The following CTNNBL1 variants were observed in gnomAD, a reference collection of about 807,000 sequenced individuals.
The protein encoded by CTNNBL1 is catenin beta like 1, also known as beta-catenin-like protein 1.
A neutral mutation model predicts 72.7 loss-of-function variants in CTNNBL1; 31 were observed. That is an observed-to-expected ratio of 0.43 (90% CI 0.32 to 0.58). The LOEUF is 0.58. CTNNBL1 is among the 20% of genes least tolerant of loss of function. CTNNBL1 has a pLI of 0.08. For missense variants in CTNNBL1, 534 were observed against 725.1 expected (o/e 0.74, Z 3.03); for synonymous variants, 240 against 267.3 (o/e 0.90, Z 1.00).
In CTNNBL1 at chr20:37,798,870, A is replaced by C. The variant is rs1012424601; in HGVS notation, c.1032-3997A>C. 7.2e-5 allele frequency among the ~76,000 whole-genome samples: 11 copies of C among 152,194 alleles called. 1 individual carries two copies. The highest frequency in any genetic ancestry group is 2.6e-4 in the Admixed American group (4 of 15,282). On this transcript the variant is annotated intron_variant, in intron 10 of 15. Transcript: ENST00000361383. ...AGGCCTTTTCCTGAGTGACTAAACA[A>C]TACAGATATTATATCTCAATGTCCT...
chr20:37,743,995 A>G (rs1484065392), intron 3 of CTNNBL1, among the ~76,000 whole-genome samples: 1 of 151,902 alleles, frequency 6.6e-6, no homozygotes, highest in Non-Finnish European at 1.5e-5. Context: ...AAAAACCTTT[A>G]TGTCAAAAAG....
intron 1 of CTNNBL1, among the ~76,000 whole-genome samples, chr20:37,715,451 C>T (rs1007670960): frequency 6.6e-6 from 1 of 152,172 alleles, no homozygotes; most frequent in African/African-American, 2.4e-5. Flanking sequence ...TTTGGATAAT[C>T]GTTTGGTGAG....
At chr20:37,774,347 T>G (rs1022256437) in intron 7 of CTNNBL1, among the ~76,000 whole-genome samples, 4 of 152,140 alleles carry the variant, frequency 2.6e-5, no homozygotes, top group African/African-American at 7.2e-5. Context: ...TGAGAGAGCC[T>G]GTGAGCATTG....
At chr20:37,797,354 CTTT>C (rs76016183) in intron 10 of CTNNBL1, among the ~76,000 whole-genome samples, 3 of 103,944 alleles carry the variant, frequency 2.9e-5, no homozygotes, top group Admixed American at 9.7e-5. Context: ...CACCTTGTTG[CTTT>C]TTTTTTTTTT....
At chr20:37,777,484 G>T in intron 8 of CTNNBL1, 67 bp downstream of exon 8, 1 of 1,521,076 alleles carries the variant, frequency 6.6e-7, no homozygotes, top group African/African-American at 1.4e-5. Flanking sequence ...GATCATGACA[G>T]CAAGCTCTCT....
At chr20:37,796,432 A>G (rs1600493391) in intron 10 of CTNNBL1, among the ~76,000 whole-genome samples, 1 of 146,214 alleles carries the variant, frequency 6.8e-6, no homozygotes, top group African/African-American at 2.5e-5. Flanking sequence ...TCTAAAAACC[A>G]TTGTTTTGTT....
intron 3 of CTNNBL1, among the ~76,000 whole-genome samples, chr20:37,745,870 G>A (rs2073257312): frequency 6.6e-6 from 1 of 152,170 alleles, no homozygotes; most frequent in South Asian, 2.1e-4. Flanking sequence ...TTGTTGAAAG[G>A]TTCAGGTATA....
In CTNNBL1 at chr20:37,779,274, A is replaced by G; in HGVS notation, c.970A>G (p.Ser324Gly). 6.2e-7 allele frequency: 1 copy of G among 1,613,828 alleles called. No homozygotes were observed. Among genetic ancestry groups the G allele is most frequent in the African/African-American group, 1.3e-5 (1 of 75,032 alleles). ...TTCCCTCTGCTCCTGTCTAATGCTTAGTTCCAATCGTGAGCGCTTCCTGAA... is the reference window on the plus strand; with the variant it reads ...TTCCCTCTGCTCCTGTCTAATGCTTGGTTCCAATCGTGAGCGCTTCCTGAA... ...FDSLCSCLML[S>G]SNRERFLKGE... Residue 324 changes from serine (S) to glycine (G), a missense_variant, in exon 10 of 16, where the codon AGT (serine) becomes GGT (glycine). By Grantham distance (56) the Ser-to-Gly change is moderately conservative. Transcript: ENST00000361383.
intron 10 of CTNNBL1, among the ~76,000 whole-genome samples, chr20:37,782,492 A>T (rs888413152): frequency 6.6e-6 from 1 of 152,230 alleles, no homozygotes; most frequent in African/African-American, 2.4e-5. Context: ...GTTTTGACAG[A>T]TGTTTCCACC....
chr20:37,744,237 A>G (rs1349400990), intron 3 of CTNNBL1, among the ~76,000 whole-genome samples: 1 of 152,192 alleles, frequency 6.6e-6, no homozygotes, highest in Non-Finnish European at 1.5e-5. Context: ...CTCAAATTGG[A>G]GGAGATACTG....
At chr20:37,711,139 T>C (rs1391840677) in intron 1 of CTNNBL1, among the ~76,000 whole-genome samples, 1 of 152,230 alleles carries the variant, frequency 6.6e-6, no homozygotes, top group East Asian at 1.9e-4. Flanking sequence ...CTGATCCTCC[T>C]GTGAAAGGAC....
At chr20:37,738,898 G>A (rs891878884) in intron 3 of CTNNBL1, among the ~76,000 whole-genome samples, 1 of 152,202 alleles carries the variant, frequency 6.6e-6, no homozygotes, top group Non-Finnish European at 1.5e-5. Flanking sequence ...AGAGGCCAGC[G>A]TGGTCAACTA....
chr20:37,708,966 G>C (rs1050570317), intron 1 of CTNNBL1, among the ~76,000 whole-genome samples: 2 of 152,100 alleles, frequency 1.3e-5, no homozygotes, highest in East Asian at 3.9e-4. Flanking sequence ...GTGAAACCCT[G>C]TCTCTACTGA....
chr20:37,733,206 T>C, intron 2 of CTNNBL1, 139 bp downstream of exon 2: 1 of 743,466 alleles, frequency 1.3e-6, no homozygotes, highest in Non-Finnish European at 2.2e-6. Flanking sequence ...CGCGTTAATG[T>C]GAAGGTTAAG....
rs1275610976 is a variant in CTNNBL1, at chr20:37,765,268, A to G, written c.636A>G (p.Ala212=). 1.3e-6 allele frequency: 2 copies of G among 1,551,154 alleles called. No individual in the cohort carries two copies. Among genetic ancestry groups the G allele is most frequent in the South Asian group, 1.2e-5 (1 of 84,040 alleles). ...TGGATGAGTCTGTGAAAGAGGAGGC[A>G]GATGGCGTCCACAACACTCTGGGTG... ...ERLDESVKEE[A]DGVHNTLAIV... The change falls in exon 6 of 16, where the codon GCA becomes GCG. Residue 212 remains alanine, a synonymous_variant. Coordinates refer to ENST00000361383, the MANE Select transcript of CTNNBL1 (RefSeq NM_030877.5).
chr20:37,827,050 A>G (rs1052794708), intron 11 of CTNNBL1, among the ~76,000 whole-genome samples: 3 of 152,192 alleles, frequency 2.0e-5, no homozygotes, highest in African/African-American at 4.8e-5. Flanking sequence ...TTTTTACCAT[A>G]GATTAGGTTA....
At chr20:37,825,884 G>A (rs2072155182) in intron 11 of CTNNBL1, among the ~76,000 whole-genome samples, 1 of 152,148 alleles carries the variant, frequency 6.6e-6, no homozygotes, top group Non-Finnish European at 1.5e-5. Flanking sequence ...CCATTGTAGC[G>A]ATGGGGTTGG....
intron 1 of CTNNBL1, chr20:37,694,859 G>A (rs1385645229): frequency 6.6e-6 from 1 of 152,258 alleles, no homozygotes; most frequent in Admixed American, 6.5e-5. Flanking sequence ...CAGAAACAAG[G>A]AGCTGGAATT....
At chr20:37,741,324 A>G (rs993942902) in intron 3 of CTNNBL1, among the ~76,000 whole-genome samples, 19 of 152,200 alleles carry the variant, frequency 1.2e-4, no homozygotes, top group Non-Finnish European at 2.5e-4. Flanking sequence ...GTCAGGCAAA[A>G]CAGAAGACGA....
Sources: gnomAD v4.1 joint callset for allele counts (sites outside exome capture counted in the v4.1 genomes callset) on GRCh38, gnomAD v4.1.1 for gene constraint, MANE v1.5 for transcripts, NCBI Gene and HGNC (gene_info 2026-07-23, HGNC 2026-07-21) for gene names.